PCBP3: variants seen among roughly 807,000 people sequenced by gnomAD.
PCBP3 encodes poly(rC)-binding protein 3.
PCBP3 carries 25 observed loss-of-function variants against 52.7 expected under a neutral mutation model. That is an observed-to-expected ratio of 0.47 (90% CI 0.35 to 0.66). The LOEUF (loss-of-function observed/expected upper bound fraction) is 0.66. Ranked by LOEUF, PCBP3 falls within the 30% of genes least tolerant of loss-of-function variation. PCBP3 has a pLI of 0.01. For missense variants in PCBP3, 391 were observed against 490.3 expected (o/e 0.80, Z 1.91); for synonymous variants, 162 against 183.0 (o/e 0.89, Z 0.93).
intron 2 of PCBP3, among the ~76,000 whole-genome samples, chr21:45,725,732 T>C (rs1218865991): frequency 6.6e-6 from 1 of 151,014 alleles, no homozygotes; most frequent in Admixed American, 6.6e-5. Flanking sequence ...TGAGCAGGAG[T>C]GGCTGAGGGG....
chr21:45,912,753 G>A (rs1352471860), intron 11 of PCBP3, among the ~76,000 whole-genome samples: 1 of 152,170 alleles, frequency 6.6e-6, no homozygotes, highest in Non-Finnish European at 1.5e-5. Flanking sequence ...ACTGGCCCGA[G>A]GCTGGGCATC....
At chr21:45,691,635 T>G (rs999554260) in intron 2 of PCBP3, among the ~76,000 whole-genome samples, 1 of 151,804 alleles carries the variant, frequency 6.6e-6, no homozygotes, top group African/African-American at 2.4e-5. Flanking sequence ...TAAAAAATGG[T>G]AAATTGCAAA....
chr21:45,814,591 GGTGA>G (rs2092787696), intron 4 of PCBP3, among the ~76,000 whole-genome samples: 1 of 141,390 alleles, frequency 7.1e-6, no homozygotes, highest in Non-Finnish European at 1.5e-5. Context: ...AGTGATGAGT[GGTGA>G]GTGAGTGATG....
intron 5 of PCBP3, chr21:45,858,637 T>C (rs1468774544): frequency 6.6e-6 from 1 of 152,192 alleles, no homozygotes; most frequent in African/African-American, 2.4e-5. Context: ...GAACTCCTCG[T>C]CATAGTGGGT....
intron 10 of PCBP3, among the ~76,000 whole-genome samples, chr21:45,910,160 C>T (rs1332150382): frequency 1.1e-3 from 6 of 5,428 alleles, no homozygotes; most frequent in Non-Finnish European, 1.5e-3. Context: ...TGGACCTGGC[C>T]CACCCACTGC....
At chr21:45,789,590 C>G (rs1230220873) in intron 4 of PCBP3, among the ~76,000 whole-genome samples, 1 of 152,152 alleles carries the variant, frequency 6.6e-6, no homozygotes, top group East Asian at 1.9e-4. Context: ...AGCACGAAGG[C>G]TTTAAGGTGG....
chr21:45,847,796 A>G (rs1197169020), intron 4 of PCBP3, among the ~76,000 whole-genome samples: 1 of 152,192 alleles, frequency 6.6e-6, no homozygotes, highest in Non-Finnish European at 1.5e-5. Flanking sequence ...CTTCAGGGCC[A>G]CCGTTCTGGG....
At chr21:45,923,685 A>G (rs1220943129) in intron 13 of PCBP3, among the ~76,000 whole-genome samples, 1 of 152,232 alleles carries the variant, frequency 6.6e-6, no homozygotes, top group African/African-American at 2.4e-5. Context: ...AGAAAATTCC[A>G]AGAGACACAC....
intron 1 of PCBP3, among the ~76,000 whole-genome samples, chr21:45,650,378 C>T (rs183860476): frequency 1.3e-5 from 2 of 152,166 alleles, no homozygotes; most frequent in African/African-American, 4.8e-5. Context: ...AGGTGTTGAC[C>T]AGTGATAATC....
chr21:45,709,060 C>T (rs189863894), intron 2 of PCBP3, among the ~76,000 whole-genome samples: 2 of 152,320 alleles, frequency 1.3e-5, no homozygotes, highest in Non-Finnish European at 1.5e-5. Context: ...TCTGGGCCTC[C>T]GTTTCCCCAT....
intron 13 of PCBP3, among the ~76,000 whole-genome samples, chr21:45,926,874 A>G (rs916846700): frequency 3.9e-5 from 6 of 152,208 alleles, no homozygotes; most frequent in Non-Finnish European, 7.3e-5. Context: ...AACTTTGTGA[A>G]ATGTTGGAAT....
At chr21:45,899,649 T>G (rs1323099533) in intron 7 of PCBP3, 27 bp downstream of exon 7, 1 of 1,581,788 alleles carries the variant, frequency 6.3e-7, no homozygotes, top group East Asian at 2.2e-5. Flanking sequence ...TCTCTGCCTC[T>G]CCTGGGGTCT....
chr21:45,849,560 G>A (rs977550823), intron 4 of PCBP3, among the ~76,000 whole-genome samples: 7 of 152,034 alleles, frequency 4.6e-5, no homozygotes, highest in African/African-American at 1.7e-4. Context: ...TGAAATTGAA[G>A]AAATTAGATG....
In PCBP3 at chr21:45,741,322, G is replaced by A. The variant is rs1291365696; in HGVS notation, c.-162+5893G>A. On this transcript the variant is annotated intron_variant, in intron 3 of 17. Transcript: ENST00000681687. The surrounding 1 kb of genome is among the most constrained non-coding windows in gnomAD (Gnocchi z 4.5). ...AGGCCCTTATTCACTGTGAGAAGCA[G>A]AAACATTGTGCAAGAAGGGAGCTGC... is the stretch of plus-strand genomic sequence containing the variant. Among the ~76,000 whole-genome samples, 1 of 152,218 alleles carries A rather than the reference G, an allele frequency of 6.6e-6. No individual in the cohort carries two copies. The highest frequency in any genetic ancestry group is 1.5e-5 in the Non-Finnish European group (1 of 68,036).
chr21:45,746,100 G>A lies in PCBP3; in HGVS notation c.-161-9317G>A, dbSNP rs113552879. ...TAGCGCACACGGTGTTGTCAGCATC[G>A]CTGTGTCAGTCCACTGACGTAGCGC... On this transcript the variant is annotated intron_variant, in intron 3 of 17. Transcript: ENST00000681687. Among the ~76,000 whole-genome samples, 17 of 137,490 alleles carry A rather than the reference G, an allele frequency of 1.2e-4. 1 individual carries two copies. The South Asian group carries it at 2.8e-3, about 23-fold the overall frequency. 90.2% of individuals were successfully genotyped at this position (137,490 alleles called of 152,430 possible).
At chr21:45,893,121 C>T (rs759032832) in intron 5 of PCBP3, among the ~76,000 whole-genome samples, 2 of 151,900 alleles carry the variant, frequency 1.3e-5, no homozygotes, top group Admixed American at 1.3e-4. Flanking sequence ...GGAGAAGTGC[C>T]GGGGGCTTTT....
chr21:45,645,789 C>G (rs1772802329), intron 1 of PCBP3, among the ~76,000 whole-genome samples: 1 of 152,176 alleles, frequency 6.6e-6, no homozygotes, highest in South Asian at 2.1e-4. Context: ...ACAAAAGTCT[C>G]ATGGCTTTAT....
chr21:45,815,136 AGTGG>A (rs2092858186), intron 4 of PCBP3, among the ~76,000 whole-genome samples: 4 of 71,002 alleles, frequency 5.6e-5, no homozygotes, highest in Non-Finnish European at 1.1e-4. Flanking sequence ...GTGGTGAGTG[AGTGG>A]TGAGTGGTGA....
intron 2 of PCBP3, among the ~76,000 whole-genome samples, chr21:45,730,097 G>C (rs1201949551): frequency 1.3e-5 from 2 of 151,210 alleles, no homozygotes; most frequent in African/African-American, 4.9e-5. Flanking sequence ...TGCTTGTTTT[G>C]CTCTGTTTTA....
Sources: allele counts gnomAD v4.1 joint callset (sites outside exome capture counted in the v4.1 genomes callset), GRCh38; gene constraint gnomAD v4.1.1; non-coding constraint Gnocchi (gnomAD v3.1); transcripts MANE v1.5; gene names NCBI Gene and HGNC (gene_info 2026-07-23, HGNC 2026-07-21).